Variants in IBTK observed in about 807,000 individuals in gnomAD.
IBTK encodes inhibitor of Bruton tyrosine kinase, also known as BTK-binding protein.
IBTK carries 83 observed loss-of-function variants against 154.9 expected under a neutral mutation model. The ratio of observed to expected loss-of-function variants is 0.54; its 90% CI spans 0.45 to 0.64. The LOEUF (loss-of-function observed/expected upper bound fraction) is 0.64, where lower values mean the gene tolerates loss of function less well. Ranked by LOEUF, IBTK falls within the 30% of genes least tolerant of loss-of-function variation. IBTK has a pLI of 0.00. For synonymous variants in IBTK, 515 were observed against 536.1 expected (o/e 0.96, Z 0.54); for missense variants, 1,332 against 1,584.6 (o/e 0.84, Z 2.71).
chr6:82,202,493 T>C (rs768285827), intron 18 of IBTK, 35 bp downstream of exon 18: 3 of 1,107,822 alleles, frequency 2.7e-6, no homozygotes, highest in Non-Finnish European at 4.1e-6. Context: ...ATATCTCCTT[T>C]TGCAACAATC....
rs538564635 is a variant in IBTK at position 82,183,164 on chromosome 6, C to T, written c.3576-1136G>A. On this transcript the variant is annotated intron_variant, in intron 25 of 28. Transcript: ENST00000306270. ...GTGGCTCATGCCTGTAATCCCAACACTTTGGAAGGCCAAGGCAGGTGGATC... is the reference window on the plus strand; with the variant it reads ...GTGGCTCATGCCTGTAATCCCAACATTTTGGAAGGCCAAGGCAGGTGGATC... Among the ~76,000 whole-genome samples the T allele has an allele frequency of 1.7e-4, 26 of 152,318 alleles. No homozygotes were observed. The South Asian group carries it at 3.7e-3, about 22-fold the overall frequency.
At position 82,196,462 on chromosome 6, in the gene IBTK, A is replaced by T. The variant is rs780224469; in HGVS notation, c.3026-16T>A. The T allele has an allele frequency of 6.9e-5, 107 of 1,545,218 alleles. No individual in the cohort carries two copies. The highest frequency in any genetic ancestry group is 1.5e-4 in the African/African-American group (11 of 72,904). On this transcript the variant is annotated splice_polypyrimidine_tract_variant and intron_variant, in intron 21 of 28. Transcript: ENST00000306270. Reference sequence around the variant, plus strand: ...TTTAATAATCCTAAAACATGAAATTAAAAAAAATTAAACACATATGCATTA... The same window carrying T: ...TTTAATAATCCTAAAACATGAAATTTAAAAAAATTAAACACATATGCATTA...
chr6:82,212,813 A>G lies in IBTK; in HGVS notation c.2205-20T>C, dbSNP rs1398760577. On this transcript the variant is annotated intron_variant, in intron 12 of 28. Transcript: ENST00000306270. ...TCTAACCTATCAAGGATAGATAAAA[A>G]TTAACAATTGATATTCCCCTACAAA... 7.5e-7 allele frequency: 1 copy of G among 1,337,884 alleles called. No individual in the cohort carries two copies. 82.9% of individuals were successfully genotyped at this position (1,337,884 alleles called of 1,614,324 possible). A position where few individuals can be genotyped will look rare whatever the true frequency, so the allele number is the denominator to read the frequency against.
intron 1 of IBTK, 25 bp downstream of exon 1, chr6:82,247,537 C>G: frequency 2.5e-6 from 1 of 398,896 alleles, no homozygotes; most frequent in Non-Finnish European, 4.4e-6. Flanking sequence ...ACCGCACGGT[C>G]GGGCAGCGCC....
At chr6:82,187,646 G>A (rs1582191582) in intron 25 of IBTK, among the ~76,000 whole-genome samples, 1 of 152,152 alleles carries the variant, frequency 6.6e-6, no homozygotes, top group African/African-American at 2.4e-5. Context: ...CATCAGGTGG[G>A]TGACAGTAAA....
rs370973651 is a variant in IBTK, at chr6:82,171,396, T to C, written c.*29A>G. The C allele has an allele frequency of 5.8e-5, 92 of 1,587,628 alleles. No homozygotes were observed. Among genetic ancestry groups the C allele is most frequent in the African/African-American group, 9.5e-5 (7 of 73,792 alleles). ...CTTTATATGAACAAACTCATAATTATGTAAAATGCATCTCAACTCCACAGT... is the reference window on the plus strand; with the variant it reads ...CTTTATATGAACAAACTCATAATTACGTAAAATGCATCTCAACTCCACAGT... On this transcript the variant is annotated 3_prime_UTR_variant, in exon 29 of 29. Coordinates refer to ENST00000306270, the MANE Select transcript of IBTK (RefSeq NM_015525.4).
chr6:82,173,151 G>A (rs952570924), intron 27 of IBTK: 40 of 360,144 alleles, frequency 1.1e-4, no homozygotes, highest in Non-Finnish European at 1.7e-4. Flanking sequence ...ACAGGCATGC[G>A]CCACCATGCC....
chr6:82,245,702 G>A (rs1406749752), intron 1 of IBTK, among the ~76,000 whole-genome samples: 2 of 152,042 alleles, frequency 1.3e-5, no homozygotes, highest in Non-Finnish European at 2.9e-5. Context: ...AGAAAGAAGT[G>A]AGGCCTAACA....
At chr6:82,210,751 G>T in intron 16 of IBTK, 63 bp downstream of exon 16, 1 of 639,334 alleles carries the variant, frequency 1.6e-6, no homozygotes, top group Non-Finnish European at 2.6e-6. Context: ...TAAGATTCAC[G>T]TTGATTTTAC....
intron 23 of IBTK, among the ~76,000 whole-genome samples, chr6:82,194,272 T>C (rs1406563645): frequency 6.6e-6 from 1 of 152,112 alleles, no homozygotes; most frequent in Non-Finnish European, 1.5e-5. Context: ...CTGATGATAA[T>C]ACAAAGGCAA....
chr6:82,202,457 C>T, intron 18 of IBTK, 71 bp downstream of exon 18: 1 of 817,670 alleles, frequency 1.2e-6, no homozygotes, highest in Non-Finnish European at 2.1e-6. Context: ...ATTTAAATCA[C>T]TAATAATATC....
At chr6:82,222,430 C>T (rs117184170) in intron 8 of IBTK, among the ~76,000 whole-genome samples, 2,510 of 152,108 alleles carry the variant, frequency 0.017, 26 homozygotes, top group Non-Finnish European at 0.024. Flanking sequence ...TATTTAAGTA[C>T]TTGTATTTTT....
In IBTK at chr6:82,199,888, C is replaced by T. The variant is rs113533295; in HGVS notation, c.3025+253G>A. Among the ~76,000 whole-genome samples, 367 of 152,286 alleles carry T rather than the reference C, an allele frequency of 2.4e-3. 2 individuals are homozygous for T. Among genetic ancestry groups the T allele is most frequent in the African/African-American group, 8.1e-3 (338 of 41,572 alleles). The stretch of plus-strand genomic sequence containing the variant: ...TTTGCTTAATATACCTATCTGCCTC[C>T]TTTTCTTAGATAACTTCATTCTTCA... On this transcript the variant is annotated intron_variant, in intron 21 of 28. Coordinates refer to ENST00000306270, the MANE Select transcript of IBTK (RefSeq NM_015525.4).
intron 16 of IBTK, among the ~76,000 whole-genome samples, chr6:82,207,580 C>G (rs1769460698): frequency 6.6e-6 from 1 of 152,080 alleles, no homozygotes; most frequent in African/African-American, 2.4e-5. Context: ...AATTGGCAAA[C>G]TAATCCTAAA....
intron 2 of IBTK, among the ~76,000 whole-genome samples, chr6:82,239,717 A>T (rs1292690489): frequency 1.5e-4 from 15 of 101,234 alleles, no homozygotes; most frequent in Admixed American, 7.0e-4. Flanking sequence ...TTTATTCTGC[A>T]TCGGCCTATA....
At chr6:82,195,634 G>T (rs1271190242) in intron 22 of IBTK, among the ~76,000 whole-genome samples, 1 of 151,986 alleles carries the variant, frequency 6.6e-6, no homozygotes, top group African/African-American at 2.4e-5. Context: ...AGAAGAAAGG[G>T]TAAACTTCTG....
chr6:82,205,492 G>T (rs553010600), intron 16 of IBTK: 1 of 152,392 alleles, frequency 6.6e-6, no homozygotes, highest in South Asian at 2.1e-4. Flanking sequence ...CTTGGGCCAG[G>T]TGTGGTGGCT....
chr6:82,171,505 T>C lies in IBTK; in HGVS notation c.3982A>G (p.Asn1328Asp). Reference sequence around the variant, plus strand: ...TCAACAATGACAAACTCTTCAGGGTTGCCAAATGCCTCATAGAAAACCAAT... The same window carrying C: ...TCAACAATGACAAACTCTTCAGGGTCGCCAAATGCCTCATAGAAAACCAAT... ...DLLVFYEAFG[N>D]PEEFVIVERT... The change falls in exon 29 of 29, where the codon AAC becomes GAC. Residue 1328 changes from asparagine to aspartate, a missense_variant. Transcript: ENST00000306270. 1.2e-6 allele frequency: 2 copies of C among 1,613,050 alleles called. No homozygotes were observed. Among genetic ancestry groups the C allele is most frequent in the Non-Finnish European group, 1.7e-6 (2 of 1,179,344 alleles).
intron 12 of IBTK, among the ~76,000 whole-genome samples, chr6:82,213,889 G>A (rs1247761248): frequency 6.6e-6 from 1 of 152,110 alleles, no homozygotes; most frequent in African/African-American, 2.4e-5. Flanking sequence ...GAAAGAGAAG[G>A]GGATGGAACA....
Sources: gnomAD v4.1 joint callset for allele counts (sites outside exome capture counted in the v4.1 genomes callset) on GRCh38, gnomAD v4.1.1 for gene constraint, MANE v1.5 for transcripts, NCBI Gene and HGNC (gene_info 2026-07-23, HGNC 2026-07-21) for gene names.